The following ELMO1 variants were observed in gnomAD, a reference collection of about 807,000 sequenced individuals.
The protein encoded by ELMO1 is engulfment and cell motility 1.
ELMO1 carries 26 observed loss-of-function variants against 98.9 expected under a neutral mutation model. The ratio of observed to expected loss-of-function variants is 0.26; its 90% confidence interval spans 0.19 to 0.36. The LOEUF (loss-of-function observed/expected upper bound fraction) is 0.36. ELMO1 is among the 10% of genes least tolerant of loss of function. ELMO1 has a pLI of 1.00. For missense variants in ELMO1, 627 were observed against 935.2 expected (o/e 0.67, Z 4.30); for synonymous variants, 346 against 346.0 (o/e 1.00, Z 0.00).
Position 37,321,138 on chromosome 7 carries a change from C to T in ELMO1, c.79-5178G>A, listed in dbSNP as rs142013176. 4.6e-3 allele frequency among the ~76,000 whole-genome samples: 705 copies of T among 152,252 alleles called. 7 individuals are homozygous for T. The highest frequency in any genetic ancestry group is 0.016 in the African/African-American group (647 of 41,538). ...TACTCTCATAAGCAGACAAGACTGACCAAGATACCCCAATTATCTTGAAAA... is the reference window on the plus strand; with the variant it reads ...TACTCTCATAAGCAGACAAGACTGATCAAGATACCCCAATTATCTTGAAAA... On this transcript the variant is annotated intron_variant, in intron 2 of 21. Coordinates refer to ENST00000310758, the MANE Select transcript of ELMO1 (RefSeq NM_014800.11).
chr7:37,447,294 C>T (rs761624127), intron 1 of ELMO1, among the ~76,000 whole-genome samples: 1 of 152,208 alleles, frequency 6.6e-6, no homozygotes, highest in Non-Finnish European at 1.5e-5. Context: ...CAGCGCCCAA[C>T]AGGAAGCCTC....
At chr7:37,186,708 T>C (rs534446274) in intron 13 of ELMO1, among the ~76,000 whole-genome samples, 1 of 152,184 alleles carries the variant, frequency 6.6e-6, no homozygotes, top group Non-Finnish European at 1.5e-5. Flanking sequence ...CAAGAAAAGA[T>C]GCTCAAATAT....
At chr7:37,256,738 AAGGGAAGGGAAGGGAAGGGAAGG>A in intron 6 of ELMO1, among the ~76,000 whole-genome samples, 1 of 50,230 alleles carries the variant, frequency 2.0e-5, no homozygotes, top group Non-Finnish European at 3.4e-5. Flanking sequence ...AAGGGAAGGG[AAGGGAAGGGAAGGGAAGGGAAGG>A]GAGAAGGGAG....
At position 36,853,980 on chromosome 7, in the gene ELMO1, C is replaced by T. The variant is rs1802020919; in HGVS notation, c.*1571G>A. ...CATTCTTTTCATTGCTAAATGTGCT[C>T]CCTCAAAGTTGTGATGTCTTTAATT... On this transcript the variant is annotated 3_prime_UTR_variant, in exon 22 of 22. Coordinates refer to ENST00000310758, the MANE Select transcript of ELMO1 (RefSeq NM_014800.11). 6.6e-6 allele frequency among the ~76,000 whole-genome samples: 1 copy of T among 152,116 alleles called. No homozygotes were observed. Among genetic ancestry groups the T allele is most frequent in the African/African-American group, 2.4e-5 (1 of 41,410 alleles).
chr7:37,169,774 C>T (rs1006074429), intron 13 of ELMO1, among the ~76,000 whole-genome samples: 1 of 152,200 alleles, frequency 6.6e-6, no homozygotes, highest in Non-Finnish European at 1.5e-5. Context: ...TAGGAACCAA[C>T]AGGAAGAGCT....
chr7:37,147,062 G>A (rs1423748556), intron 13 of ELMO1, among the ~76,000 whole-genome samples: 2 of 151,748 alleles, frequency 1.3e-5, no homozygotes, highest in African/African-American at 4.9e-5. Flanking sequence ...CCATTAGCAA[G>A]AAGAAATTTA....
intron 13 of ELMO1, among the ~76,000 whole-genome samples, chr7:37,164,792 T>C (rs1789524575): frequency 6.7e-6 from 1 of 149,074 alleles, no homozygotes; most frequent in Non-Finnish European, 1.5e-5. Context: ...GCTTTGTTCT[T>C]TTGGCTCAGG....
chr7:37,361,859 G>A (rs1424370122), intron 1 of ELMO1, among the ~76,000 whole-genome samples: 2 of 152,206 alleles, frequency 1.3e-5, no homozygotes, highest in Non-Finnish European at 2.9e-5. Context: ...CTACTTGGGA[G>A]GCTGAGGTGG....
chr7:36,980,995 A>G (rs1791002632), intron 16 of ELMO1, among the ~76,000 whole-genome samples: 1 of 152,124 alleles, frequency 6.6e-6, no homozygotes, highest in Non-Finnish European at 1.5e-5. Flanking sequence ...CATTCTTGGG[A>G]ATTCTGTCCA....
chr7:37,033,492 T>TAAA, intron 15 of ELMO1: 3 of 378,380 alleles, frequency 7.9e-6, no homozygotes, highest in Admixed American at 3.4e-5. Context: ...TGTTTAGTGT[T>TAAA]AAAAAAAAAA....
intron 13 of ELMO1, among the ~76,000 whole-genome samples, chr7:37,199,750 C>T (rs1381888715): frequency 6.6e-6 from 1 of 152,190 alleles, no homozygotes; most frequent in Non-Finnish European, 1.5e-5. Flanking sequence ...TTAGGGGCCC[C>T]ACTGCACCAG....
In ELMO1 at chr7:37,259,256, TC is replaced by T; in HGVS notation, c.337del (p.Asp113MetfsTer9). ...TATAAACTCCTGGGCAAACGTGACA[TC>T]CCGGGAGAGGCTGGCCAAGTCCTTC... ...ALKDLASLSR[D>X]VTFAQEFINL... On this transcript the variant is annotated frameshift_variant, in exon 6 of 22. Transcript: ENST00000310758. LOFTEE classifies it high-confidence loss of function. 1 of 1,614,024 alleles carries T rather than the reference TC, an allele frequency of 6.2e-7. No homozygotes were observed. The highest frequency in any genetic ancestry group is 8.5e-7 in the Non-Finnish European group (1 of 1,180,008).
chr7:37,336,554 G>A (rs1562624823), intron 2 of ELMO1, among the ~76,000 whole-genome samples: 1 of 152,184 alleles, frequency 6.6e-6, no homozygotes, highest in Non-Finnish European at 1.5e-5. Flanking sequence ...AGAGGGCTTA[G>A]CACTGAGGTT....
chr7:36,955,707 C>T (rs372898377), intron 16 of ELMO1, among the ~76,000 whole-genome samples: 2 of 152,258 alleles, frequency 1.3e-5, no homozygotes, highest in South Asian at 2.1e-4. Context: ...TTGCTACTTC[C>T]CCAGGGTCCC....
At chr7:37,168,661 G>C (rs531649106) in intron 13 of ELMO1, among the ~76,000 whole-genome samples, 3 of 152,292 alleles carry the variant, frequency 2.0e-5, no homozygotes, top group East Asian at 3.9e-4. Flanking sequence ...GGTTTTTCGT[G>C]AACCGTGAAT....
chr7:37,427,128 A>C (rs1217570255), intron 1 of ELMO1, among the ~76,000 whole-genome samples: 1 of 152,204 alleles, frequency 6.6e-6, no homozygotes, highest in Non-Finnish European at 1.5e-5. Context: ...ACGAGATTCA[A>C]ATCTAGTTTC....
chr7:37,014,233 CCCTTTTGTAAGTTATA>C (rs1433261312), intron 15 of ELMO1, among the ~76,000 whole-genome samples: 1 of 152,042 alleles, frequency 6.6e-6, no homozygotes, highest in Non-Finnish European at 1.5e-5. Context: ...ATTTTTATAG[CCCTTTTGTAAGTTATA>C]CCTCATTTGA....
chr7:37,094,651 C>T (rs2129253973), intron 15 of ELMO1, among the ~76,000 whole-genome samples: 1 of 152,328 alleles, frequency 6.6e-6, no homozygotes, highest in East Asian at 1.9e-4. Context: ...GGAATTCAAC[C>T]ATCTCTTCCA....
At chr7:37,166,570 T>C (rs1789707550) in intron 13 of ELMO1, among the ~76,000 whole-genome samples, 1 of 152,158 alleles carries the variant, frequency 6.6e-6, no homozygotes, top group African/African-American at 2.4e-5. Flanking sequence ...AGAACATCTT[T>C]ATTTTTGCCT....
Sources: gnomAD v4.1 joint callset for allele counts (sites outside exome capture counted in the v4.1 genomes callset) on GRCh38, gnomAD v4.1.1 for gene constraint, MANE v1.5 for transcripts, NCBI Gene and HGNC (gene_info 2026-07-23, HGNC 2026-07-21) for gene names.